BCL2L10: variants seen among roughly 807,000 people sequenced by gnomAD.
The protein encoded by BCL2L10 is BCL2 like 10, also known as bcl-2-like protein 10.
A neutral mutation model predicts 11.1 loss-of-function variants in BCL2L10; 14 were observed. The ratio of observed to expected loss-of-function variants is 1.26; its 90% CI spans 0.83 to 1.96. The LOEUF is 1.96. BCL2L10 is among the 30% of genes most tolerant of loss of function. The pLI is 0.00. For synonymous variants in BCL2L10, 154 were observed against 133.4 expected (o/e 1.15, Z -1.07); for missense variants, 309 against 273.9 (o/e 1.13, Z -0.90).
Position 52,109,862 on chromosome 15 carries a change from T to C in BCL2L10, c.601A>G (p.Thr201Ala), listed in dbSNP as rs528231878. The C allele has an allele frequency of 1.5e-5, 25 of 1,613,880 alleles. No individual in the cohort carries two copies. In the South Asian group the frequency reaches 2.7e-4, roughly 18 times the overall value. Residue 201 changes from threonine (T) to alanine (A), a missense_variant, in exon 2 of 2, where the codon ACA becomes GCA. Transcript: ENST00000260442. ...AGTTTTAAAACTCATAATAATCGTG[T>C]CCAGAGATAAATGAAGGCTGTTGTT... ...LLTTAFIYLW[T>A]RLL
Position 52,112,758 on chromosome 15 carries a change from G to A in BCL2L10, c.-32C>T. 4.7e-6 allele frequency: 7 copies of A among 1,496,486 alleles called. No homozygotes were observed. The highest frequency in any genetic ancestry group is 6.2e-6 in the Non-Finnish European group (7 of 1,130,684). 92.7% of individuals were successfully genotyped at this position (1,496,486 alleles called of 1,614,324 possible). A position where few individuals can be genotyped will look rare whatever the true frequency, so the allele number is the denominator to read the frequency against. On this transcript the variant is annotated 5_prime_UTR_variant, in exon 1 of 2. Transcript: ENST00000260442. ...GCCTCTGCTGGGGGGCCGGGCCTTC[G>A]CTGGTTTTCTTGGCCCGGCCGCGCC... is the stretch of plus-strand genomic sequence containing the variant.
Position 52,112,626 on chromosome 15 carries a change from G to C in BCL2L10, c.101C>G (p.Pro34Arg). The C allele has an allele frequency of 6.4e-7, 1 of 1,566,880 alleles. No homozygotes were observed. The highest frequency in any genetic ancestry group is 2.3e-5 in the East Asian group (1 of 43,122). Residue 34 changes from proline to arginine, a missense_variant, in exon 1 of 2, where the codon CCC (proline) becomes CGC (arginine). Transcript: ENST00000260442. ...ADYLGYCARE[P>R]GTPEPAPSTP... ...GGATGGCGCCGGCTCGGGGGTGCCG[G>C]GTTCCCGGGCGCAGTACCCCAGGTA...
In BCL2L10 at chr15:52,109,914, C is replaced by A. The variant is rs1419091106; in HGVS notation, c.549G>T (p.Leu183=). The change falls in exon 2 of 2, where the codon CTG becomes CTT. Residue 183 remains leucine, a synonymous_variant. Coordinates refer to ENST00000260442, the MANE Select transcript of BCL2L10 (RefSeq NM_020396.4). ...PFPLAFWRKQ[L]VQAFLSCLLT... ...ACAAGCATGACAGAAAAGCCTGGAC[C>A]AGCTGTTTTCTCCAAAAAGCCAGTG... 6.2e-7 allele frequency: 1 copy of A among 1,613,708 alleles called. No homozygotes were observed. The highest frequency in any genetic ancestry group is 1.1e-5 in the South Asian group (1 of 91,010).
intron 1 of BCL2L10, among the ~76,000 whole-genome samples, chr15:52,111,173 A>AACACACACACACACAC (rs71130130): frequency 0.024 from 2,937 of 121,688 alleles, 81 homozygotes; most frequent in Admixed American, 0.029. Context: ...CTCTACTGAA[A>AACACACACACACACAC]ACACACACAC....
intron 1 of BCL2L10, 97 bp downstream of exon 1, chr15:52,112,141 A>C: frequency 1.4e-6 from 2 of 1,393,130 alleles, no homozygotes; most frequent in Non-Finnish European, 1.9e-6. Context: ...ACCTCGTTCC[A>C]GGGGCCTGGC....
intron 1 of BCL2L10, 147 bp downstream of exon 1, chr15:52,112,091 G>T (rs1352070614): frequency 7.4e-7 from 1 of 1,352,764 alleles, no homozygotes; most frequent in Non-Finnish European, 9.5e-7. Context: ...CACAGCGAAC[G>T]TTCCAGGCCC....
rs538150070 is a variant in BCL2L10 at position 52,109,421 on chromosome 15, T to C, written c.*427A>G. On this transcript the variant is annotated 3_prime_UTR_variant, in exon 2 of 2. Transcript: ENST00000260442. The stretch of plus-strand genomic sequence containing the variant: ...AGTGATTTTAACATTACATTCTTTG[T>C]TAAACTGGGACTTTTTCTACTTTGG... 5.3e-4 allele frequency: 82 copies of C among 155,258 alleles called. 1 individual carries two copies. The highest frequency in any genetic ancestry group is 1.0e-3 in the Non-Finnish European group (72 of 70,220). 9.6% of individuals were successfully genotyped at this position (155,258 alleles called of 1,614,324 possible).
chr15:52,109,824 G>T lies in BCL2L10; in HGVS notation c.*24C>A. 6.2e-7 allele frequency: 1 copy of T among 1,612,950 alleles called. No individual in the cohort carries two copies. Among genetic ancestry groups the T allele is most frequent in the Non-Finnish European group, 8.5e-7 (1 of 1,179,358 alleles). Reference sequence around the variant, plus strand: ...TTAGTTGGTCACAGTTGGGCAGGTAGAAGCGGGTTAAAAGTTTTAAAACTC... The same window carrying T: ...TTAGTTGGTCACAGTTGGGCAGGTATAAGCGGGTTAAAAGTTTTAAAACTC... On this transcript the variant is annotated 3_prime_UTR_variant, in exon 2 of 2. Coordinates refer to ENST00000260442, the MANE Select transcript of BCL2L10 (RefSeq NM_020396.4).
rs2231293 is a variant in BCL2L10 at position 52,112,426 on chromosome 15, C to G, written c.301G>C (p.Val101Leu). ...TCCAGCAGCGTCCCTGCGAAGGTCA[C>G]GAGCGTCACCACTCTGCCCCAGGTG... ...GPTWGRVVTL[V>L]TFAGTLLERG... Residue 101 changes from valine (V) to leucine (L), a missense_variant, in exon 1 of 2, where the codon GTG becomes CTG. Coordinates refer to ENST00000260442, the MANE Select transcript of BCL2L10 (RefSeq NM_020396.4). 234 of 1,607,274 alleles carry G rather than the reference C, an allele frequency of 1.5e-4. No individual in the cohort carries two copies. In the African/African-American group the frequency reaches 2.9e-3, roughly 20 times the overall value.
rs1327461940 is a variant in BCL2L10 at position 52,112,527 on chromosome 15, T to C, written c.200A>G (p.Tyr67Cys). ...RQIHRSFFSA[Y>C]LGYPGNRFEL... is the part of the protein sequence containing the mutation. ...GAAGCGGTTCCCGGGGTAGCCGAGG[T>C]AGGCGGAGAAAAAGGACCGGTGAAT... Residue 67 changes from tyrosine (Y) to cysteine (C), a missense_variant, in exon 1 of 2, where the codon TAC (tyrosine) becomes TGC (cysteine). Physicochemically the swap from Tyr to Cys is radical, Grantham distance 194 (BLOSUM62 -2). Transcript: ENST00000260442. 3 of 1,592,794 alleles carry C rather than the reference T, an allele frequency of 1.9e-6. No homozygotes were observed. The highest frequency in any genetic ancestry group is 2.7e-5 in the African/African-American group (2 of 74,254).
rs1427635734 is a variant in BCL2L10, at chr15:52,109,769, CCT to C, written c.*77_*78del. On this transcript the variant is annotated 3_prime_UTR_variant, in exon 2 of 2. Coordinates refer to ENST00000260442, the MANE Select transcript of BCL2L10 (RefSeq NM_020396.4). ...GTCTGGGGTGGGGGAAGGTGCTTTC[CCT>C]CAGTTCTTGTTCTCACACATCTGTC... The C allele has an allele frequency of 1.9e-6, 3 of 1,567,768 alleles. No individual in the cohort carries two copies. Among genetic ancestry groups the C allele is most frequent in the Non-Finnish European group, 2.6e-6 (3 of 1,149,862 alleles).
At chr15:52,110,076 T>A in intron 1 of BCL2L10, 103 bp from the exon 2 acceptor site, 1 of 1,216,508 alleles carries the variant, frequency 8.2e-7, no homozygotes, top group Non-Finnish European at 1.1e-6. Context: ...AAGTTTGGAT[T>A]TAAAAAGTAA....
At chr15:52,111,065 G>A (rs1029958391) in intron 1 of BCL2L10, among the ~76,000 whole-genome samples, 2 of 152,052 alleles carry the variant, frequency 1.3e-5, no homozygotes, top group African/African-American at 4.8e-5. Flanking sequence ...GGCCAGGTGA[G>A]GTGGCTCACG....
rs1466663799 is a variant in BCL2L10 at position 52,109,335 on chromosome 15, A to G, written c.*513T>C. 1 of 152,302 alleles carries G rather than the reference A, an allele frequency of 6.6e-6. No individual in the cohort carries two copies. The highest frequency in any genetic ancestry group is 1.5e-5 in the Non-Finnish European group (1 of 68,106). 9.4% of individuals were successfully genotyped at this position (152,302 alleles called of 1,614,324 possible). A position where few individuals can be genotyped will look rare whatever the true frequency, so the allele number is the denominator to read the frequency against. ...TTGAAGAAATTAGTATGTTAACTAT[A>G]AAAACCTAGAAGTCCCAGGAATTAG... On this transcript the variant is annotated 3_prime_UTR_variant, in exon 2 of 2. Transcript: ENST00000260442.
At position 52,112,747 on chromosome 15, in the gene BCL2L10, G is replaced by T. The variant is rs762372589; in HGVS notation, c.-21C>A. ...ACCATGGTCCGGCCTCTGCTGGGGG[G>T]CCGGGCCTTCGCTGGTTTTCTTGGC... On this transcript the variant is annotated 5_prime_UTR_variant, in exon 1 of 2. Transcript: ENST00000260442. 42 of 1,507,706 alleles carry T rather than the reference G, an allele frequency of 2.8e-5. No individual in the cohort carries two copies. The highest frequency in any genetic ancestry group is 3.7e-5 in the Non-Finnish European group (42 of 1,135,668). 93.4% of individuals were successfully genotyped at this position (1,507,706 alleles called of 1,614,324 possible). A position where few individuals can be genotyped will look rare whatever the true frequency, so the allele number is the denominator to read the frequency against.
In BCL2L10 at chr15:52,109,805, G is replaced by T. The variant is rs2231296; in HGVS notation, c.*43C>A. The T allele has an allele frequency of 5.6e-6, 9 of 1,606,276 alleles. No homozygotes were observed. In the African/African-American group the frequency reaches 1.1e-4, roughly 19 times the overall value. ...GTTCTCACACATCTGTCATTTAGTT[G>T]GTCACAGTTGGGCAGGTAGAAGCGG... On this transcript the variant is annotated 3_prime_UTR_variant, in exon 2 of 2. Transcript: ENST00000260442.
chr15:52,112,514 G>C lies in BCL2L10; in HGVS notation c.213C>G (p.Pro71=). 6.3e-7 allele frequency: 1 copy of C among 1,596,938 alleles called. No individual in the cohort carries two copies. Among genetic ancestry groups the C allele is most frequent in the African/African-American group, 1.3e-5 (1 of 74,504 alleles). ...GCGCCACCAGCTCGAAGCGGTTCCCGGGGTAGCCGAGGTAGGCGGAGAAAA... is the reference window on the plus strand; with the variant it reads ...GCGCCACCAGCTCGAAGCGGTTCCCCGGGTAGCCGAGGTAGGCGGAGAAAA... ...RSFFSAYLGY[P]GNRFELVALM... is the part of the protein sequence containing the mutation. The change falls in exon 1 of 2, where the codon CCC becomes CCG. Residue 71 remains proline (P), a synonymous_variant. Transcript: ENST00000260442.
intron 1 of BCL2L10, 75 bp downstream of exon 1, chr15:52,112,163 C>T (rs1264362824): frequency 1.4e-6 from 2 of 1,410,338 alleles, no homozygotes; most frequent in African/African-American, 1.5e-5. Flanking sequence ...CGGTGGGTTC[C>T]TCACCGTGCC....
In BCL2L10 at chr15:52,112,323, GCGA is replaced by G; in HGVS notation, c.401_403del (p.Val134del). The G allele has an allele frequency of 6.3e-7, 1 of 1,584,296 alleles. No individual in the cohort carries two copies. The highest frequency in any genetic ancestry group is 8.5e-7 in the Non-Finnish European group (1 of 1,171,936). ...GGCCACCAGGCGCTGGCAGTCCCGG[GCGA>G]CGTCGCCCTCCTGCTCCTTTAGCCG... is the stretch of plus-strand genomic sequence containing the variant. On this transcript the variant is annotated inframe_deletion, in exon 1 of 2. Coordinates refer to ENST00000260442, the MANE Select transcript of BCL2L10 (RefSeq NM_020396.4).
Sources: allele counts gnomAD v4.1 joint callset (sites outside exome capture counted in the v4.1 genomes callset), GRCh38; gene constraint gnomAD v4.1.1; transcripts MANE v1.5; gene names NCBI Gene and HGNC (gene_info 2026-07-23, HGNC 2026-07-21).